SCGB1C1: variants seen among roughly 807,000 people sequenced by gnomAD.
The protein encoded by SCGB1C1 is secretoglobin family 1C member 1, also known as ligand binding protein RYD5.
A neutral mutation model predicts 8.9 loss-of-function variants in SCGB1C1; 2 were observed. That is an observed-to-expected ratio of 0.23 (90% CI 0.09 to 0.71). SCGB1C1 has a LOEUF of 0.71. Ranked by LOEUF, SCGB1C1 falls within the 30% of genes least tolerant of loss-of-function variation. The probability of loss-of-function intolerance (pLI) is 0.78; values close to 1 mark genes in which losing one functional copy is unlikely to be tolerated. For missense variants in SCGB1C1, 25 were observed against 112.7 expected (o/e 0.22, Z 3.52); for synonymous variants, 6 against 45.8 (o/e 0.13, Z 3.51).
upstream of SCGB1C1, among the ~76,000 whole-genome samples, chr11:192,764 G>A (rs75322339): frequency 0.15 from 22,858 of 148,140 alleles, 1,276 homozygotes; most frequent in Non-Finnish European, 0.21. Context: ...CACCACTCTC[G>A]GCCTCAAGGG....
At chr11:188,058 G>A in the SCGB1C1 span, among the ~76,000 whole-genome samples, 390 of 149,346 alleles carry the variant, frequency 2.6e-3, no homozygotes, top group African/African-American at 8.6e-3. Flanking sequence ...GTCAATGGCC[G>A]GCAGCCAGCT....
chr11:191,847 A>C (rs1854814575), upstream of SCGB1C1, among the ~76,000 whole-genome samples: 1 of 67,624 alleles, frequency 1.5e-5, no homozygotes, highest in East Asian at 6.6e-4. Context: ...CCCTAACCCT[A>C]ACCCTAACCC....
chr11:189,811 G>T (rs1345221574), upstream of SCGB1C1, among the ~76,000 whole-genome samples: 6 of 151,350 alleles, frequency 4.0e-5, no homozygotes, highest in East Asian at 1.2e-3. Context: ...TTACAGTGGT[G>T]GCCAGCGCCC....
chr11:189,436 G>A (rs1161635089), upstream of SCGB1C1, among the ~76,000 whole-genome samples: 6 of 149,190 alleles, frequency 4.0e-5, no homozygotes, highest in Admixed American at 6.6e-5. Context: ...GCGGCGCGCC[G>A]GCGCAGGCGC....
intron 1 of SCGB1C1, 48 bp downstream of exon 1, chr11:193,202 AGT>A: frequency 4.6e-6 from 1 of 217,278 alleles, no homozygotes; most frequent in Non-Finnish European, 8.4e-6. Context: ...GGTGGGGGGG[AGT>A]GGGGGGTACC....
At chr11:191,728 GAAGGA>G (rs1564790836), upstream of SCGB1C1, among the ~76,000 whole-genome samples, 1 of 152,290 alleles carries the variant, frequency 6.6e-6, no homozygotes, top group African/African-American at 2.4e-5. Context: ...ACAAATTGCT[GAAGGA>G]AAAACAAGAA....
At chr11:192,366 C>A (rs1441823148), upstream of SCGB1C1, among the ~76,000 whole-genome samples, 1 of 152,064 alleles carries the variant, frequency 6.6e-6, no homozygotes, top group African/African-American at 2.4e-5. Context: ...GGGGTTGAAC[C>A]CCAGGATAGC....
upstream of SCGB1C1, among the ~76,000 whole-genome samples, chr11:192,422 C>T (rs1854830078): frequency 6.6e-6 from 1 of 151,954 alleles, no homozygotes; most frequent in Non-Finnish European, 1.5e-5. Context: ...GGAAGATGTA[C>T]CTCAAGCCTG....
At chr11:189,182 AAAG>A, upstream of SCGB1C1, among the ~76,000 whole-genome samples, 1 of 146,072 alleles carries the variant, frequency 6.8e-6, no homozygotes, top group African/African-American at 2.5e-5. Context: ...GAAGGATTCA[AAAG>A]AATGCAACCT....
chr11:189,452 G>C (rs1451258216), upstream of SCGB1C1, among the ~76,000 whole-genome samples: 1 of 116,328 alleles, frequency 8.6e-6, no homozygotes, highest in South Asian at 2.3e-4. Context: ...GGCGCACAGA[G>C]GCGCGGCGCG....
At position 194,482 on chromosome 11, in the gene SCGB1C1, C is replaced by G. The variant is rs1205173394; in HGVS notation, c.*32C>G. The G allele has an allele frequency of 3.1e-6, 2 of 654,406 alleles. No homozygotes were observed. The highest frequency in any genetic ancestry group is 5.4e-6 in the Non-Finnish European group (2 of 371,418). The allele number at this position is 654,406 out of a possible 1,614,324, so 40.5% of individuals were successfully genotyped here. On this transcript the variant is annotated 3_prime_UTR_variant, in exon 3 of 3. Coordinates refer to ENST00000342878, the MANE Select transcript of SCGB1C1 (RefSeq NM_145651.3). Reference sequence around the variant, plus strand: ...CTCAGACATGGCTCAGCCATAGGACCTGCCACACAAGCAGCCGTGGACACA... The same window carrying G: ...CTCAGACATGGCTCAGCCATAGGACGTGCCACACAAGCAGCCGTGGACACA...
rs767802769 is a variant in SCGB1C1, at chr11:193,911, G to A, written c.255G>A (p.Leu85=). ...PMHKAELVKL[L]VQVLGSQDGA ...ACAAGGCGGAGCTGGTCAAGCTGCT[G>A]GTATGAGGGCGGCGGGCACCCCATT... is the stretch of plus-strand genomic sequence containing the variant. Residue 85 remains leucine (L), a splice_region_variant and synonymous_variant, in exon 2 of 3, where the codon CTG becomes CTA. Coordinates refer to ENST00000342878, the MANE Select transcript of SCGB1C1 (RefSeq NM_145651.3). 2 of 1,477,530 alleles carry A rather than the reference G, an allele frequency of 1.4e-6. No homozygotes were observed. The highest frequency in any genetic ancestry group is 1.8e-6 in the Non-Finnish European group (2 of 1,085,680). The allele number at this position is 1,477,530 out of a possible 1,614,324, so 91.5% of individuals were successfully genotyped here.
chr11:194,425 T>C lies in SCGB1C1; in HGVS notation c.263T>C (p.Val88Ala), dbSNP rs1457063798. 4.6e-6 allele frequency: 4 copies of C among 872,978 alleles called. No individual in the cohort carries two copies. The highest frequency in any genetic ancestry group is 5.6e-6 in the Non-Finnish European group (3 of 537,726). 54.1% of individuals were successfully genotyped at this position (872,978 alleles called of 1,614,324 possible). Residue 88 changes from valine (V) to alanine (A), a missense_variant, in exon 3 of 3, where the codon GTG becomes GCG. By Grantham distance (64) the Val-to-Ala change is moderately conservative. Transcript: ENST00000342878. The part of the protein sequence containing the change: ...KAELVKLLVQ[V>A]LGSQDGA ...CATGTGTCTGCCTTCCAGGTGCAAG[T>C]GCTGGGCAGTCAGGACGGTGCCTAA...
At chr11:189,903 G>A (rs1183348806), upstream of SCGB1C1, among the ~76,000 whole-genome samples, 1 of 152,402 alleles carries the variant, frequency 6.6e-6, no homozygotes, top group Non-Finnish European at 1.5e-5. Context: ...TAGGGACGTT[G>A]CAGGGCCCTC....
At chr11:189,318 C>A (rs1322243884), upstream of SCGB1C1, among the ~76,000 whole-genome samples, 1 of 151,974 alleles carries the variant, frequency 6.6e-6, no homozygotes, top group Non-Finnish European at 1.5e-5. Context: ...TGTACAAAAG[C>A]AAGCTCTACC....
At chr11:192,310 A>G (rs1337437229), upstream of SCGB1C1, among the ~76,000 whole-genome samples, 2 of 151,924 alleles carry the variant, frequency 1.3e-5, no homozygotes, top group East Asian at 3.9e-4. Flanking sequence ...TCCTGTGTCC[A>G]TTGTAATATG....
At chr11:188,661 G>A (rs201466307), upstream of SCGB1C1, among the ~76,000 whole-genome samples, 12 of 140,380 alleles carry the variant, frequency 8.5e-5, no homozygotes, top group East Asian at 2.5e-3. Context: ...GGTCCTTAAA[G>A]ATCTCCCAGT....
chr11:194,331 C>G (rs1108819), intron 2 of SCGB1C1, 87 bp from the exon 3 acceptor site: 72 of 1,184,086 alleles, frequency 6.1e-5, no homozygotes, highest in Middle Eastern at 4.9e-4. Context: ...AGACCCCCCC[C>G]CACTGAGGGC....
At chr11:193,353 A>ACCAGCCCAGTGTCTCCTACC (rs1395167294) in intron 1 of SCGB1C1, among the ~76,000 whole-genome samples, 199 bp downstream of exon 1, 1 of 150,100 alleles carries the variant, frequency 6.7e-6, no homozygotes, top group Non-Finnish European at 1.5e-5. Context: ...CTGACCCAAC[A>ACCAGCCCAGTGTCTCCTACC]CCAGCCCAGT....
Sources: allele counts gnomAD v4.1 joint callset (sites outside exome capture counted in the v4.1 genomes callset), GRCh38; gene constraint gnomAD v4.1.1; transcripts MANE v1.5; gene names NCBI Gene and HGNC (gene_info 2026-07-23, HGNC 2026-07-21).